Variants in ACOXL observed in about 807,000 individuals in gnomAD.
The protein encoded by ACOXL is acyl-coenzyme A oxidase-like protein.
A neutral mutation model predicts 71.9 loss-of-function variants in ACOXL; 70 were observed. The observed-to-expected ratio is 0.97, with a 90% CI of 0.80 to 1.19. The LOEUF is 1.19. Ranked by LOEUF, ACOXL falls within the 50% of genes most tolerant of loss-of-function variation. The pLI, the probability that ACOXL is intolerant of heterozygous loss-of-function variation, is 0.00. For synonymous variants in ACOXL, 253 were observed against 281.6 expected, an observed-to-expected ratio of 0.90 and a Z score of 1.02; for missense variants, 703 against 736.3, an observed-to-expected ratio of 0.95 and a Z score of 0.52.
At chr2:111,044,803 T>C (rs970238832) in intron 15 of ACOXL, among the ~76,000 whole-genome samples, 1 of 152,164 alleles carries the variant, frequency 6.6e-6, no homozygotes, top group Non-Finnish European at 1.5e-5. Context: ...GATGAGGCCA[T>C]TGTAGATCAT....
At chr2:110,783,659 A>G (rs1209067825) in intron 2 of ACOXL, among the ~76,000 whole-genome samples, 4 of 152,142 alleles carry the variant, frequency 2.6e-5, no homozygotes, top group Non-Finnish European at 4.4e-5. Context: ...ACAGATGCAC[A>G]CGCACATATA....
chr2:110,769,226 A>AAAAGAAAGAAAG (rs10599265), intron 2 of ACOXL, among the ~76,000 whole-genome samples: 195 of 148,726 alleles, frequency 1.3e-3, no homozygotes, highest in African/African-American at 4.3e-3. Context: ...GCCTCATGAA[A>AAAAGAAAGAAAG]AAAGAAAGAA....
chr2:110,780,655 A>C (rs918096099), intron 2 of ACOXL, among the ~76,000 whole-genome samples: 18 of 152,204 alleles, frequency 1.2e-4, no homozygotes, highest in African/African-American at 4.3e-4. Flanking sequence ...TTTGCATGGA[A>C]GAAGGCAGAC....
chr2:110,953,114 C>G, intron 12 of ACOXL, among the ~76,000 whole-genome samples: 1 of 152,072 alleles, frequency 6.6e-6, no homozygotes, highest in East Asian at 1.9e-4. Context: ...CACAATGGCC[C>G]TATAGAGAAG....
intron 17 of ACOXL, among the ~76,000 whole-genome samples, chr2:111,103,521 TTGCTGAGACAACATA>T (rs1169187492): frequency 6.6e-6 from 1 of 152,170 alleles, no homozygotes; most frequent in East Asian, 1.9e-4. Context: ...TAATTGGCTA[TTGCTGAGACAACATA>T]AGTAAAAATG....
In ACOXL at chr2:110,742,357, G is replaced by T. The variant is rs183906981; in HGVS notation, c.-23+9583G>T. On this transcript the variant is annotated intron_variant, in intron 1 of 17. Transcript: ENST00000439055. ...TAGATCACTTTCCTCAACCTTAAATGAATAATTGTACACTAGAAAAAATAT... is the reference window on the plus strand; with the variant it reads ...TAGATCACTTTCCTCAACCTTAAATTAATAATTGTACACTAGAAAAAATAT... Among the ~76,000 whole-genome samples the T allele has an allele frequency of 9.5e-4, 145 of 152,276 alleles. 1 individual carries two copies. The highest frequency in any genetic ancestry group is 3.3e-3 in the African/African-American group (138 of 41,548).
intron 12 of ACOXL, among the ~76,000 whole-genome samples, chr2:110,938,673 G>T (rs943049897): frequency 6.6e-6 from 1 of 152,094 alleles, no homozygotes; most frequent in African/African-American, 2.4e-5. Flanking sequence ...GATGTGCACA[G>T]ACATTGAATG....
In ACOXL at chr2:110,960,697, G is replaced by GTT. The variant is rs70958751; in HGVS notation, c.1060-26401_1060-26400dup. 3.7e-4 allele frequency among the ~76,000 whole-genome samples: 53 copies of GTT among 142,996 alleles called. 1 individual carries two copies. Among genetic ancestry groups the GTT allele is most frequent in the African/African-American group, 1.1e-3 (44 of 38,520 alleles). The allele number at this position is 142,996 out of a possible 152,430, so 93.8% of individuals were successfully genotyped here. ...TTTTTTTAATGTATAAATTTTCTGGGTTTTTTTTTTTAACATTGCTTGTGT... is the reference window on the plus strand; with the variant it reads ...TTTTTTTAATGTATAAATTTTCTGGGTTTTTTTTTTTTTAACATTGCTTGTGT... On this transcript the variant is annotated intron_variant, in intron 12 of 17. Transcript: ENST00000439055.
intron 9 of ACOXL, among the ~76,000 whole-genome samples, chr2:110,820,727 G>A (rs1401579650): frequency 6.6e-6 from 1 of 152,212 alleles, no homozygotes; most frequent in African/African-American, 2.4e-5. Context: ...TGCCAGGCAA[G>A]GTGAAGATGT....
chr2:110,933,851 G>A (rs1352924421), intron 12 of ACOXL, among the ~76,000 whole-genome samples: 2 of 152,342 alleles, frequency 1.3e-5, no homozygotes, highest in South Asian at 2.1e-4. Context: ...TTTGTAAAAT[G>A]CCTGGCCCAT....
intron 16 of ACOXL, among the ~76,000 whole-genome samples, chr2:111,074,787 G>A (rs1216271399): frequency 6.6e-6 from 1 of 151,864 alleles, no homozygotes; most frequent in Non-Finnish European, 1.5e-5. Context: ...TAGAGACAGG[G>A]TTTCACCATG....
chr2:111,020,469 A>T (rs531137039), intron 14 of ACOXL, among the ~76,000 whole-genome samples: 1 of 152,328 alleles, frequency 6.6e-6, no homozygotes, highest in South Asian at 2.1e-4. Context: ...GGAGGTAGTT[A>T]GGTGGTGGAG....
intron 9 of ACOXL, among the ~76,000 whole-genome samples, chr2:110,831,525 C>T (rs934549312): frequency 2.6e-5 from 4 of 152,176 alleles, no homozygotes; most frequent in African/African-American, 9.7e-5. Context: ...TGTCAATTCT[C>T]CTCAGATTTA....
At chr2:110,803,864 G>C (rs909846576) in intron 8 of ACOXL, among the ~76,000 whole-genome samples, 4 of 151,852 alleles carry the variant, frequency 2.6e-5, no homozygotes, top group Non-Finnish European at 5.9e-5. Context: ...AATCTGAATA[G>C]ACATTTCACT....
At chr2:110,851,691 C>A (rs1248384426) in intron 10 of ACOXL, among the ~76,000 whole-genome samples, 2 of 152,198 alleles carry the variant, frequency 1.3e-5, no homozygotes, top group Non-Finnish European at 2.9e-5. Flanking sequence ...GTGCTCTGGT[C>A]TGTGGTCCTG....
chr2:110,744,944 C>T (rs11674819), intron 1 of ACOXL, among the ~76,000 whole-genome samples: 1 of 152,172 alleles, frequency 6.6e-6, no homozygotes, highest in Admixed American at 6.5e-5. Flanking sequence ...ACACTAAGTT[C>T]TAGGACACAC....
At chr2:110,744,538 G>A (rs1392921709) in intron 1 of ACOXL, among the ~76,000 whole-genome samples, 5 of 152,152 alleles carry the variant, frequency 3.3e-5, no homozygotes, top group African/African-American at 1.2e-4. Context: ...AGTGAGGTAA[G>A]CACTTGTCCT....
At chr2:110,809,219 T>C (rs1049478259) in intron 9 of ACOXL, among the ~76,000 whole-genome samples, 1 of 152,232 alleles carries the variant, frequency 6.6e-6, no homozygotes, top group African/African-American at 2.4e-5. Flanking sequence ...CTCCCCATAG[T>C]ATGTGCTTCA....
intron 16 of ACOXL, among the ~76,000 whole-genome samples, chr2:111,056,561 G>A (rs955011358): frequency 1.3e-5 from 2 of 152,004 alleles, no homozygotes; most frequent in African/African-American, 4.8e-5. Context: ...GGCTGAGGTG[G>A]GTGGATCATG....
Sources: allele counts gnomAD v4.1 joint callset (sites outside exome capture counted in the v4.1 genomes callset), GRCh38; gene constraint gnomAD v4.1.1; transcripts MANE v1.5; gene names NCBI Gene and HGNC (gene_info 2026-07-23, HGNC 2026-07-21).